The following NFXL1 variants were observed in gnomAD, a reference collection of about 807,000 sequenced individuals.
The protein encoded by NFXL1 is nuclear transcription factor, X-box binding like 1, also known as NF-X1-type zinc finger protein NFXL1.
Under a neutral mutation model 123.3 loss-of-function variants are expected in NFXL1, and 66 were observed. That is an observed-to-expected ratio of 0.54 (90% CI 0.44 to 0.66). The LOEUF (loss-of-function observed/expected upper bound fraction) is 0.66. Among genes scored for constraint, NFXL1 ranks in the 30% least tolerant of loss-of-function variants. The pLI is 0.00. For missense variants in NFXL1, 944 were observed against 1,125.6 expected (o/e 0.84, Z 2.31); for synonymous variants, 346 against 360.8 (o/e 0.96, Z 0.46).
In NFXL1 at chr4:47,903,241, G is replaced by A. The variant is rs747156559; in HGVS notation, c.599C>T (p.Ser200Phe). 1 of 1,600,466 alleles carries A rather than the reference G, an allele frequency of 6.2e-7. No individual in the cohort carries two copies. The highest frequency in any genetic ancestry group is 1.1e-5 in the South Asian group (1 of 89,396). Residue 200 changes from serine (S) to phenylalanine (F), a missense_variant, in exon 5 of 23, where the codon TCT becomes TTT. Physicochemically the swap from Ser to Phe is radical, Grantham distance 155. Transcript: ENST00000507489. ...TCCAAAATCATCATCAGTCACAGAAGATACAAGAAACTGGCTGTCTTTAGC... is the reference window on the plus strand; with the variant it reads ...TCCAAAATCATCATCAGTCACAGAAAATACAAGAAACTGGCTGTCTTTAGC... ...KWAKDSQFLV[S>F]SVTDDDFGKK...
intron 4 of NFXL1, among the ~76,000 whole-genome samples, chr4:47,904,207 C>T (rs1282987295): frequency 1.3e-5 from 2 of 152,102 alleles, no homozygotes; most frequent in Non-Finnish European, 2.9e-5. Flanking sequence ...TCCAGGGGAC[C>T]CTCTGTAAAA....
intron 15 of NFXL1, chr4:47,882,160 T>C (rs1736151108): frequency 6.6e-6 from 1 of 152,176 alleles, no homozygotes; most frequent in African/African-American, 2.4e-5. Flanking sequence ...ATACTTTCTG[T>C]GCAATTTTCT....
intron 15 of NFXL1, chr4:47,882,245 C>A (rs1736156198): frequency 6.6e-6 from 1 of 152,172 alleles, no homozygotes; most frequent in Non-Finnish European, 1.5e-5. Context: ...TTTCCAGGGA[C>A]TGGCTTAAAA....
chr4:47,852,381 G>A (rs1734168341), intron 20 of NFXL1, among the ~76,000 whole-genome samples: 3 of 152,066 alleles, frequency 2.0e-5, no homozygotes, highest in Admixed American at 2.0e-4. Context: ...TATGGCTACT[G>A]AGCACTTGAA....
chr4:47,851,652 T>C (rs73141937), intron 21 of NFXL1, among the ~76,000 whole-genome samples: 37 of 152,136 alleles, frequency 2.4e-4, no homozygotes, highest in African/African-American at 8.7e-4. Flanking sequence ...CAAAATCTTA[T>C]AACGGGCATA....
chr4:47,863,051 T>A, intron 18 of NFXL1, 136 bp from the exon 19 acceptor site: 1 of 614,384 alleles, frequency 1.6e-6, no homozygotes, highest in East Asian at 2.9e-5. Context: ...TATTTCTCTA[T>A]CTGTAACAAT....
At chr4:47,894,049 T>C in intron 11 of NFXL1, 131 bp downstream of exon 11, 1 of 501,932 alleles carries the variant, frequency 2.0e-6, no homozygotes, top group Non-Finnish European at 3.2e-6. Flanking sequence ...CTAGAATATT[T>C]ATTAATATAT....
chr4:47,850,766 C>A (rs539303136), intron 22 of NFXL1, among the ~76,000 whole-genome samples: 1 of 152,048 alleles, frequency 6.6e-6, no homozygotes, highest in East Asian at 1.9e-4. Flanking sequence ...CCAGAAGATG[C>A]CTTACAATGG....
chr4:47,862,807 C>A, intron 19 of NFXL1, 39 bp downstream of exon 19: 1 of 1,101,198 alleles, frequency 9.1e-7, no homozygotes, highest in Non-Finnish European at 1.4e-6. Flanking sequence ...AGAAACAATG[C>A]CCAAGGAATA....
intron 17 of NFXL1, 57 bp from the exon 18 acceptor site, chr4:47,875,350 T>TGGAA: frequency 3.1e-6 from 4 of 1,276,078 alleles, no homozygotes; most frequent in South Asian, 1.5e-5. Flanking sequence ...AACATTTCCA[T>TGGAA]ATGTTACAGT....
intron 20 of NFXL1, among the ~76,000 whole-genome samples, chr4:47,852,642 T>G (rs1734187871): frequency 6.6e-6 from 1 of 152,074 alleles, no homozygotes; most frequent in South Asian, 2.1e-4. Flanking sequence ...TCTACTGTTT[T>G]TGATGTCTTG....
At chr4:47,862,571 G>A (rs1734830685) in intron 19 of NFXL1, among the ~76,000 whole-genome samples, 1 of 152,070 alleles carries the variant, frequency 6.6e-6, no homozygotes, top group Non-Finnish European at 1.5e-5. Context: ...ATCACATTTT[G>A]AGGGATAAGC....
At chr4:47,859,870 A>C (rs1442198712) in intron 19 of NFXL1, among the ~76,000 whole-genome samples, 2 of 31,680 alleles carry the variant, frequency 6.3e-5, no homozygotes, top group Non-Finnish European at 6.3e-5. Flanking sequence ...AAAAAAAAAA[A>C]CAAACAAACA....
chr4:47,898,131 A>G lies in NFXL1; in HGVS notation c.1090-50T>C, dbSNP rs2110098353. On this transcript the variant is annotated intron_variant, in intron 8 of 22. Transcript: ENST00000507489. ...AATGAAGGATTTAAAAGTTAACAAAAAAAGACTTCATACAAGACACAATCC... is the reference window on the plus strand; with the variant it reads ...AATGAAGGATTTAAAAGTTAACAAAGAAAGACTTCATACAAGACACAATCC... The G allele has an allele frequency of 4.4e-6, 5 of 1,138,978 alleles. No individual in the cohort carries two copies. The East Asian group carries it at 7.1e-5, about 16-fold the overall frequency. The allele number at this position is 1,138,978 out of a possible 1,614,324, so 70.6% of individuals were successfully genotyped here.
chr4:47,883,005 A>C (rs1736206630), intron 15 of NFXL1, among the ~76,000 whole-genome samples: 1 of 152,180 alleles, frequency 6.6e-6, no homozygotes, highest in South Asian at 2.1e-4. Context: ...GTTATTAGGG[A>C]GAAAACTTTT....
chr4:47,849,126 A>C (rs1388172119), intron 22 of NFXL1, among the ~76,000 whole-genome samples: 1 of 152,162 alleles, frequency 6.6e-6, no homozygotes, highest in Admixed American at 6.5e-5. Context: ...AAAGAAATTC[A>C]AGTGAGTAAA....
chr4:47,866,924 G>A (rs1187089782), intron 18 of NFXL1, among the ~76,000 whole-genome samples: 1 of 152,188 alleles, frequency 6.6e-6, no homozygotes, highest in African/African-American at 2.4e-5. Flanking sequence ...CATTTTACAA[G>A]TGTTGTCACA....
At chr4:47,871,882 T>C (rs1481841449) in intron 18 of NFXL1, among the ~76,000 whole-genome samples, 3 of 152,148 alleles carry the variant, frequency 2.0e-5, no homozygotes, top group African/African-American at 4.8e-5. Flanking sequence ...TGCTAAAAAA[T>C]ATGAAATAAA....
intron 3 of NFXL1, among the ~76,000 whole-genome samples, chr4:47,910,605 G>A (rs980341306): frequency 1.3e-5 from 2 of 152,020 alleles, no homozygotes; most frequent in Non-Finnish European, 2.9e-5. Context: ...GCCTCCTAAG[G>A]CTATAAAAGA....
Sources: allele counts gnomAD v4.1 joint callset (sites outside exome capture counted in the v4.1 genomes callset), GRCh38; gene constraint gnomAD v4.1.1; transcripts MANE v1.5; gene names NCBI Gene and HGNC (gene_info 2026-07-23, HGNC 2026-07-21).